JMY: variants seen among roughly 807,000 people sequenced by gnomAD.
JMY encodes junction-mediating and -regulatory protein.
A neutral mutation model predicts 103.3 loss-of-function variants in JMY; 46 were observed. That is an observed-to-expected ratio of 0.45 (90% CI 0.35 to 0.57). The LOEUF (loss-of-function observed/expected upper bound fraction) is 0.57, where lower values mean the gene tolerates loss of function less well. Ranked by LOEUF, JMY falls within the 20% of genes least tolerant of loss-of-function variation. JMY has a pLI of 0.00. For synonymous variants in JMY, 526 were observed against 489.3 expected (o/e 1.07, Z -0.99); for missense variants, 1,238 against 1,255.2 (o/e 0.99, Z 0.21).
intron 1 of JMY, among the ~76,000 whole-genome samples, chr5:79,276,731 C>T (rs1175536098): frequency 6.6e-5 from 10 of 152,072 alleles, no homozygotes; most frequent in Non-Finnish European, 1.2e-4. Context: ...CTCAGCCTCC[C>T]GAGTGGCTGG....
intron 2 of JMY, chr5:79,284,286 T>TA (rs1746204877): frequency 1.4e-6 from 2 of 1,472,618 alleles, no homozygotes; most frequent in South Asian, 1.1e-5. Flanking sequence ...CATTTTTACT[T>TA]TTCTAACGAA....
intron 4 of JMY, among the ~76,000 whole-genome samples, chr5:79,292,805 G>C (rs199831513): frequency 2.2e-5 from 1 of 44,694 alleles, no homozygotes; most frequent in Admixed American, 2.0e-4. Flanking sequence ...CTTGGGGAGT[G>C]GGGGGGGTCC....
intron 1 of JMY, among the ~76,000 whole-genome samples, chr5:79,261,086 A>C (rs900725115): frequency 3.9e-5 from 6 of 152,192 alleles, no homozygotes; most frequent in Non-Finnish European, 7.3e-5. Context: ...GCCAAAGGGA[A>C]AAGTTAAGCT....
chr5:79,294,229 C>A (rs1033444564), intron 4 of JMY, among the ~76,000 whole-genome samples: 6 of 151,112 alleles, frequency 4.0e-5, no homozygotes, highest in Non-Finnish European at 7.4e-5. Flanking sequence ...TATGGCAAAA[C>A]CCTGTCTCTA....
chr5:79,249,097 G>T (rs1268492886), intron 1 of JMY, among the ~76,000 whole-genome samples: 1 of 149,236 alleles, frequency 6.7e-6, no homozygotes, highest in Non-Finnish European at 1.5e-5. Context: ...TGTGAATTTT[G>T]GTAGTGGGGT....
intron 4 of JMY, among the ~76,000 whole-genome samples, chr5:79,293,676 G>T (rs1029468089): frequency 1.3e-5 from 2 of 152,116 alleles, no homozygotes; most frequent in Non-Finnish European, 2.9e-5. Flanking sequence ...CACAATTTTA[G>T]TAGGTTCTCA....
At chr5:79,297,592 T>C (rs1377929384) in intron 4 of JMY, among the ~76,000 whole-genome samples, 1 of 152,212 alleles carries the variant, frequency 6.6e-6, no homozygotes, top group Non-Finnish European at 1.5e-5. Context: ...CAGAGTATTA[T>C]TTTGCCCTCA....
At chr5:79,284,871 C>T (rs988031307) in intron 2 of JMY, 31 of 1,568,900 alleles carry the variant, frequency 2.0e-5, no homozygotes, top group Non-Finnish European at 2.7e-5. Flanking sequence ...TCTTCTTGGC[C>T]CCCTTTTTGC....
At chr5:79,294,118 A>G (rs2112101437) in intron 4 of JMY, among the ~76,000 whole-genome samples, 1 of 152,342 alleles carries the variant, frequency 6.6e-6, no homozygotes, top group African/African-American at 2.4e-5. Context: ...AAATGCCATC[A>G]TGAGGTTGGG....
chr5:79,236,132 G>A lies in JMY; in HGVS notation c.-519G>A, dbSNP rs1178468134. 2.0e-5 allele frequency: 3 copies of A among 151,058 alleles called. No individual in the cohort carries two copies. The highest frequency in any genetic ancestry group is 1.9e-4 in the East Asian group (1 of 5,144). The allele number at this position is 151,058 out of a possible 1,614,324, so 9.4% of individuals were successfully genotyped here. A position where few individuals can be genotyped will look rare whatever the true frequency, so the allele number is the denominator to read the frequency against. On this transcript the variant is annotated 5_prime_UTR_variant, in exon 1 of 11. Transcript: ENST00000396137. ...CCTCGTGGAGCCGCCGACGTCAGCA[G>A]TCGAATGGCAACATTGTGGCGATGC...
Position 79,314,634 on chromosome 5 carries a change from C to CCCACCTCCT in JMY, c.2445_2453dup (p.Pro823_Pro825dup), listed in dbSNP as rs762420027. The CCCACCTCCT allele has an allele frequency of 6.7e-7, 1 of 1,492,468 alleles. No homozygotes were observed. The highest frequency in any genetic ancestry group is 1.7e-5 in the Admixed American group (1 of 57,438). 92.5% of individuals were successfully genotyped at this position (1,492,468 alleles called of 1,614,324 possible). ...CTCTTCCTCCAACACCACCACCTCC[C>CCCACCTCCT]CCACCTCCTCCCCCTCCCCCACCAC... is the stretch of plus-strand genomic sequence containing the variant. On this transcript the variant is annotated inframe_insertion, in exon 9 of 11. Coordinates refer to ENST00000396137, the MANE Select transcript of JMY (RefSeq NM_152405.5).
Position 79,323,827 on chromosome 5 carries a change from AGTGGAGG to A in JMY, c.*2236_*2242del, listed in dbSNP as rs1747541390. 1 of 152,144 alleles carries A rather than the reference AGTGGAGG, an allele frequency of 6.6e-6. No individual in the cohort carries two copies. 9.4% of individuals were successfully genotyped at this position (152,144 alleles called of 1,614,324 possible). A position where few individuals can be genotyped will look rare whatever the true frequency, so the allele number is the denominator to read the frequency against. Reference sequence around the variant, plus strand: ...CTGTAATCATAAGTCTCTAGCAAAGAGTGGAGGGTGGAGGGTGTGTAGAACTCCACTC... The same window carrying A: ...CTGTAATCATAAGTCTCTAGCAAAGAGTGGAGGGTGTGTAGAACTCCACTC... On this transcript the variant is annotated 3_prime_UTR_variant, in exon 11 of 11. Coordinates refer to ENST00000396137, the MANE Select transcript of JMY (RefSeq NM_152405.5).
Position 79,239,436 on chromosome 5 carries a change from A to AT in JMY, c.1032+1760dup, listed in dbSNP as rs2112038725. Among the ~76,000 whole-genome samples the AT allele has an allele frequency of 2.0e-5, 3 of 152,270 alleles. 1 individual carries two copies. Among genetic ancestry groups the AT allele is most frequent in the Admixed American group, 2.0e-4 (3 of 15,290 alleles). On this transcript the variant is annotated intron_variant, in intron 1 of 10. Transcript: ENST00000396137. ...TTTCTCTTATTAGATTTACAGATAT[A>AT]TTTTTTAAAATACATATTCTTAAAA...
chr5:79,252,867 A>C (rs558057178), intron 1 of JMY, among the ~76,000 whole-genome samples: 2 of 152,194 alleles, frequency 1.3e-5, no homozygotes, highest in African/African-American at 4.8e-5. Context: ...CTTGTTTTTT[A>C]ATCCATTCAG....
At chr5:79,240,291 G>C (rs982492741) in intron 1 of JMY, among the ~76,000 whole-genome samples, 3 of 151,936 alleles carry the variant, frequency 2.0e-5, no homozygotes, top group African/African-American at 7.3e-5. Flanking sequence ...TAGAATTACA[G>C]GCGTGAGCCA....
chr5:79,291,536 C>G (rs1746425437), intron 4 of JMY, among the ~76,000 whole-genome samples: 1 of 152,148 alleles, frequency 6.6e-6, no homozygotes, highest in Admixed American at 6.5e-5. Context: ...GAGGGGCCAG[C>G]ATCAGAATTT....
chr5:79,253,357 A>G lies in JMY; in HGVS notation c.1032+15675A>G, dbSNP rs376146791. On this transcript the variant is annotated intron_variant, in intron 1 of 10. Coordinates refer to ENST00000396137, the MANE Select transcript of JMY (RefSeq NM_152405.5). ...GCCCAGGCTGGAGTGCAGTGGCGCA[A>G]TCTCGGGTCACTACAACCTCCGCCT... Among the ~76,000 whole-genome samples the G allele has an allele frequency of 1.3e-4, 20 of 151,740 alleles. 1 individual carries two copies. Among genetic ancestry groups the G allele is most frequent in the Admixed American group, 5.9e-4 (9 of 15,204 alleles).
chr5:79,286,217 T>C (rs1746263082), intron 2 of JMY, among the ~76,000 whole-genome samples: 1 of 152,326 alleles, frequency 6.6e-6, no homozygotes, highest in South Asian at 2.1e-4. Context: ...TTAAAAAGCA[T>C]AGAAAGCATG....
chr5:79,280,851 A>G (rs1200083465), intron 2 of JMY, among the ~76,000 whole-genome samples: 3 of 98,614 alleles, frequency 3.0e-5, no homozygotes, highest in African/African-American at 1.1e-4. Flanking sequence ...TCTGATTCCA[A>G]AGATTTTTTT....
Sources: gnomAD v4.1 joint callset for allele counts (sites outside exome capture counted in the v4.1 genomes callset) on GRCh38, gnomAD v4.1.1 for gene constraint, MANE v1.5 for transcripts, NCBI Gene and HGNC (gene_info 2026-07-23, HGNC 2026-07-21) for gene names.